Variants in EXOC4 observed in about 807,000 individuals in gnomAD.
EXOC4 encodes SEC8-like 1.
A neutral mutation model predicts 107.2 loss-of-function variants in EXOC4; 71 were observed. The ratio of observed to expected loss-of-function variants is 0.66; its 90% confidence interval spans 0.55 to 0.81. EXOC4 has a LOEUF of 0.81. Among genes scored for constraint, EXOC4 ranks in the 30% least tolerant of loss-of-function variants. The pLI is 0.00. For missense variants in EXOC4, 1,108 were observed against 1,189.6 expected (o/e 0.93, Z 1.01); for synonymous variants, 456 against 441.2 (o/e 1.03, Z -0.42).
At chr7:133,895,932 A>G (rs978621020) in intron 12 of EXOC4, among the ~76,000 whole-genome samples, 197 bp downstream of exon 12, 3 of 152,190 alleles carry the variant, frequency 2.0e-5, no homozygotes, top group Non-Finnish European at 2.9e-5. Flanking sequence ...TGATGAAGGG[A>G]CGCAGCCACT....
intron 12 of EXOC4, among the ~76,000 whole-genome samples, chr7:133,904,601 C>T (rs1047851669): frequency 6.6e-6 from 1 of 152,192 alleles, no homozygotes; most frequent in African/African-American, 2.4e-5. Context: ...CCCACTGTCA[C>T]ATCTCAGGGG....
chr7:133,738,558 A>G (rs994332702), intron 10 of EXOC4, among the ~76,000 whole-genome samples: 1 of 152,092 alleles, frequency 6.6e-6, no homozygotes, highest in Non-Finnish European at 1.5e-5. Flanking sequence ...TAGCTATCAG[A>G]CTCTGCATGT....
At chr7:133,398,977 ATT>A (rs1001150578) in intron 7 of EXOC4, among the ~76,000 whole-genome samples, 1 of 152,208 alleles carries the variant, frequency 6.6e-6, no homozygotes, top group Non-Finnish European at 1.5e-5. Flanking sequence ...CTCATTTAGA[ATT>A]TGTATACCAT....
At chr7:133,281,619 T>C (rs895155426) in intron 2 of EXOC4, among the ~76,000 whole-genome samples, 2 of 152,118 alleles carry the variant, frequency 1.3e-5, no homozygotes, top group Non-Finnish European at 2.9e-5. Context: ...ATTGTTGTAT[T>C]CTATTACAGA....
the EXOC4 span, among the ~76,000 whole-genome samples, chr7:134,094,042 A>G: frequency 9.2e-5 from 14 of 152,184 alleles, no homozygotes; most frequent in Admixed American, 9.2e-4. Context: ...TGAACCCCAG[A>G]GCTAGCAGAA....
chr7:133,620,596 A>G (rs1802306679), intron 9 of EXOC4, among the ~76,000 whole-genome samples: 1 of 152,222 alleles, frequency 6.6e-6, no homozygotes, highest in Non-Finnish European at 1.5e-5. Flanking sequence ...AATGTGGTGT[A>G]TACATCCATT....
intron 17 of EXOC4, among the ~76,000 whole-genome samples, chr7:134,045,494 G>A (rs188085543): frequency 1.1e-3 from 171 of 152,302 alleles, no homozygotes; most frequent in Admixed American, 2.5e-3. Flanking sequence ...TGGAACTGCA[G>A]CAAACATCTC....
At chr7:133,903,583 G>A (rs985826821) in intron 12 of EXOC4, among the ~76,000 whole-genome samples, 6 of 152,180 alleles carry the variant, frequency 3.9e-5, no homozygotes, top group East Asian at 3.9e-4. Flanking sequence ...CTATTGTGAC[G>A]GAGGATGCTG....
intron 11 of EXOC4, among the ~76,000 whole-genome samples, chr7:133,861,825 C>T (rs532540919): frequency 2.0e-5 from 3 of 152,144 alleles, no homozygotes; most frequent in South Asian, 4.2e-4. Context: ...TGAGCCACCT[C>T]GTCTGGCAAG....
rs746371837 is a variant in EXOC4 at position 133,375,003 on chromosome 7, G to T, written c.1182+1G>T. 1.9e-6 allele frequency: 3 copies of T among 1,611,382 alleles called. No homozygotes were observed. Among genetic ancestry groups the T allele is most frequent in the Non-Finnish European group, 2.5e-6 (3 of 1,178,884 alleles). ...GGTGAAGATCCAAGATGTTCTACAG[G>T]TAAGAGCCTTTTACAAAGGGTGTCA... is the stretch of plus-strand genomic sequence containing the variant. On this transcript the variant is annotated splice_donor_variant, in intron 7 of 17. Coordinates refer to ENST00000253861, the MANE Select transcript of EXOC4 (RefSeq NM_021807.4). LOFTEE classifies it high-confidence loss of function.
At chr7:133,362,814 G>A (rs1347037844) in intron 6 of EXOC4, among the ~76,000 whole-genome samples, 5 of 152,104 alleles carry the variant, frequency 3.3e-5, no homozygotes, top group African/African-American at 7.2e-5. Context: ...CACATAAATA[G>A]CATTTCGTTT....
At chr7:133,648,803 A>G (rs1170528184) in intron 10 of EXOC4, among the ~76,000 whole-genome samples, 1 of 152,206 alleles carries the variant, frequency 6.6e-6, no homozygotes, top group Non-Finnish European at 1.5e-5. Context: ...AGTTGCCTGA[A>G]TATTTCGTTT....
chr7:133,368,580 C>T (rs1486642389), intron 6 of EXOC4, among the ~76,000 whole-genome samples: 3 of 152,090 alleles, frequency 2.0e-5, no homozygotes, highest in African/African-American at 7.2e-5. Context: ...CTCTCACAGT[C>T]AATTTCTGAG....
intron 6 of EXOC4, among the ~76,000 whole-genome samples, chr7:133,370,744 A>G (rs1027243861): frequency 6.6e-6 from 1 of 152,162 alleles, no homozygotes; most frequent in Non-Finnish European, 1.5e-5. Context: ...AGGAAAGGTA[A>G]CCATTCTCCT....
chr7:133,509,376 C>T (rs891959724), intron 9 of EXOC4, among the ~76,000 whole-genome samples: 4 of 150,944 alleles, frequency 2.6e-5, no homozygotes, highest in South Asian at 2.1e-4. Flanking sequence ...TGCAGTGAGC[C>T]GAGATCACAC....
chr7:133,462,285 C>T (rs569300163), intron 7 of EXOC4, among the ~76,000 whole-genome samples: 1 of 152,282 alleles, frequency 6.6e-6, no homozygotes, highest in African/African-American at 2.4e-5. Context: ...GTAACCTCAA[C>T]TTGAGTGTCA....
At chr7:133,938,906 G>A (rs555192361) in intron 14 of EXOC4, among the ~76,000 whole-genome samples, 1 of 152,210 alleles carries the variant, frequency 6.6e-6, no homozygotes, top group Non-Finnish European at 1.5e-5. Context: ...GGGTTAAAGC[G>A]ATTCTCATGC....
chr7:133,598,900 C>T (rs1200254597), intron 9 of EXOC4, among the ~76,000 whole-genome samples: 4 of 152,264 alleles, frequency 2.6e-5, no homozygotes, highest in Admixed American at 6.5e-5. Flanking sequence ...AGGATAATTG[C>T]TTGAACCCAC....
rs530009662 is a variant in EXOC4 at position 133,467,282 on chromosome 7, A to G, written c.1183-8046A>G. On this transcript the variant is annotated intron_variant, in intron 7 of 17. Transcript: ENST00000253861. ...ATTTTGTTCATTTTATCTTCTCTGCATTGACTCTTAAATTTGTCCTAATTG... is the reference window on the plus strand; with the variant it reads ...ATTTTGTTCATTTTATCTTCTCTGCGTTGACTCTTAAATTTGTCCTAATTG... Among the ~76,000 whole-genome samples the G allele has an allele frequency of 2.2e-4, 32 of 144,604 alleles. No individual in the cohort carries two copies. The South Asian group carries it at 6.8e-3, about 31-fold the overall frequency. 94.9% of individuals were successfully genotyped at this position (144,604 alleles called of 152,430 possible). A position where few individuals can be genotyped will look rare whatever the true frequency, so the allele number is the denominator to read the frequency against.
Sources: allele counts gnomAD v4.1 joint callset (sites outside exome capture counted in the v4.1 genomes callset), GRCh38; gene constraint gnomAD v4.1.1; transcripts MANE v1.5; gene names NCBI Gene and HGNC (gene_info 2026-07-23, HGNC 2026-07-21).